PDE11A: variants seen among roughly 807,000 people sequenced by gnomAD.
PDE11A encodes the protein dual 3',5'-cyclic-AMP and -GMP phosphodiesterase 11A.
PDE11A carries 100 observed loss-of-function variants against 100.5 expected under a neutral mutation model. That is an observed-to-expected ratio of 1.00 (90% CI 0.85 to 1.18). The LOEUF (loss-of-function observed/expected upper bound fraction) is 1.18. Ranked by LOEUF, PDE11A falls within the 50% of genes most tolerant of loss-of-function variation. The probability of loss-of-function intolerance (pLI) is 0.00; values close to 1 mark genes in which losing one functional copy is unlikely to be tolerated. For synonymous variants in PDE11A, 381 were observed against 420.8 expected, an observed-to-expected ratio of 0.91 and a Z score of 1.16; for missense variants, 1,141 against 1,152.6, an observed-to-expected ratio of 0.99 and a Z score of 0.15.
At chr2:177,666,937 T>TTTATTTATTTA (rs2080597390) in intron 18 of PDE11A, among the ~76,000 whole-genome samples, 2 of 13,750 alleles carry the variant, frequency 1.5e-4, no homozygotes, top group African/African-American at 2.8e-4. Context: ...TTATTTATTT[T>TTTATTTATTTA]GAGAGAGTCT....
intron 2 of PDE11A, among the ~76,000 whole-genome samples, chr2:177,939,193 T>C (rs1045932316): frequency 6.6e-6 from 1 of 152,156 alleles, no homozygotes; most frequent in Non-Finnish European, 1.5e-5. Flanking sequence ...TTTGCTAGGC[T>C]AAACATTGTT....
At chr2:178,053,951 A>G (rs1027545272) in intron 1 of PDE11A, among the ~76,000 whole-genome samples, 1 of 152,216 alleles carries the variant, frequency 6.6e-6, no homozygotes, top group Non-Finnish European at 1.5e-5. Flanking sequence ...TAATGTATAG[A>G]GTCAATGCCA....
At chr2:177,634,476 C>T (rs537811843) in intron 19 of PDE11A, among the ~76,000 whole-genome samples, 3 of 151,582 alleles carry the variant, frequency 2.0e-5, no homozygotes, top group Non-Finnish European at 4.4e-5. Flanking sequence ...CCAAGCTCCG[C>T]CTCCCTGGTT....
intron 1 of PDE11A, among the ~76,000 whole-genome samples, chr2:178,033,245 T>G (rs2086570938): frequency 6.6e-6 from 1 of 152,142 alleles, no homozygotes; most frequent in African/African-American, 2.4e-5. Context: ...GAGAACTTCC[T>G]GTAGCATACA....
chr2:177,830,658 G>T (rs2083295210), intron 6 of PDE11A, among the ~76,000 whole-genome samples: 1 of 149,206 alleles, frequency 6.7e-6, no homozygotes, highest in African/African-American at 2.5e-5. Flanking sequence ...ATCAGGTGTT[G>T]TTTTAAGTGC....
At chr2:177,758,483 A>C (rs2082125303) in intron 10 of PDE11A, among the ~76,000 whole-genome samples, 1 of 152,084 alleles carries the variant, frequency 6.6e-6, no homozygotes, top group Non-Finnish European at 1.5e-5. Context: ...CAACAGAGCT[A>C]CCATTTCACC....
At position 178,001,275 on chromosome 2, in the gene PDE11A, A is replaced by AGTGTGTGTGTGTGTGTGTGTGTGT. The variant is rs57136586; in HGVS notation, c.1071+13003_1071+13026dup. On this transcript the variant is annotated intron_variant, in intron 2 of 19. Coordinates refer to ENST00000286063, the MANE Select transcript of PDE11A (RefSeq NM_016953.4). ...CATTCCTTAGCAAAGACAATGTGAA[A>AGTGTGTGTGTGTGTGTGTGTGTGT]GTGTGTGTGTGTGTGTGTGTGTGTG... Among the ~76,000 whole-genome samples, 21 of 140,760 alleles carry AGTGTGTGTGTGTGTGTGTGTGTGT rather than the reference A, an allele frequency of 1.5e-4. 1 individual carries two copies. Among genetic ancestry groups the AGTGTGTGTGTGTGTGTGTGTGTGT allele is most frequent in the African/African-American group, 4.7e-4 (18 of 38,258 alleles). 92.3% of individuals were successfully genotyped at this position (140,760 alleles called of 152,430 possible).
chr2:178,025,502 G>A (rs2105836794), intron 1 of PDE11A, among the ~76,000 whole-genome samples: 1 of 151,894 alleles, frequency 6.6e-6, no homozygotes, highest in Admixed American at 6.6e-5. Flanking sequence ...CTTTTCTTTG[G>A]TCCTGTCTTA....
chr2:177,714,901 G>A (rs1001767489), intron 12 of PDE11A, among the ~76,000 whole-genome samples: 1 of 152,050 alleles, frequency 6.6e-6, no homozygotes, highest in African/African-American at 2.4e-5. Context: ...CTGACCCTGG[G>A]GTCTGGTCTG....
intron 2 of PDE11A, chr2:177,997,132 A>G (rs1277283953): frequency 2.9e-5 from 27 of 923,704 alleles, no homozygotes; most frequent in South Asian, 8.4e-5. Flanking sequence ...CGGAAATCCA[A>G]TGAGTAGTAG....
At chr2:178,094,363 T>G (rs1019039976) in intron 2 of PDE11A, among the ~76,000 whole-genome samples, 1 of 151,348 alleles carries the variant, frequency 6.6e-6, no homozygotes, top group African/African-American at 2.4e-5. Context: ...ACCCCATCTC[T>G]ACAAAAAATA....
chr2:177,949,265 T>A (rs1880915), intron 2 of PDE11A, among the ~76,000 whole-genome samples: 4 of 147,210 alleles, frequency 2.7e-5, no homozygotes, highest in Non-Finnish European at 6.0e-5. Flanking sequence ...ACATCTCTAG[T>A]TTAAAATCTT....
At chr2:177,964,847 T>C (rs140477141) in intron 2 of PDE11A, among the ~76,000 whole-genome samples, 14 of 152,362 alleles carry the variant, frequency 9.2e-5, no homozygotes, top group African/African-American at 3.4e-4. Context: ...TATATGTGTC[T>C]TTATGGTAGA....
At chr2:177,666,651 G>A (rs926635093) in intron 18 of PDE11A, among the ~76,000 whole-genome samples, 4 of 152,070 alleles carry the variant, frequency 2.6e-5, no homozygotes, top group Admixed American at 2.6e-4. Context: ...GATGACTAAT[G>A]ATTTTGAGCA....
chr2:177,705,862 A>AT (rs886270711), intron 13 of PDE11A, among the ~76,000 whole-genome samples: 1 of 152,232 alleles, frequency 6.6e-6, no homozygotes, highest in African/African-American at 2.4e-5. Context: ...AGAAATGAGT[A>AT]TAAGAGATTA....
At chr2:177,785,277 T>A (rs1196936705) in intron 9 of PDE11A, among the ~76,000 whole-genome samples, 1 of 148,680 alleles carries the variant, frequency 6.7e-6, no homozygotes, top group African/African-American at 2.5e-5. Context: ...TGTAATATGA[T>A]CATGGGCCCA....
intron 2 of PDE11A, among the ~76,000 whole-genome samples, chr2:177,965,122 G>A (rs2085682670): frequency 1.3e-5 from 2 of 152,030 alleles, no homozygotes; most frequent in Non-Finnish European, 1.5e-5. Flanking sequence ...AATGATTAGT[G>A]TTGCTGAGCT....
At chr2:177,663,343 G>A (rs2080511469) in intron 19 of PDE11A, among the ~76,000 whole-genome samples, 1 of 150,838 alleles carries the variant, frequency 6.6e-6, no homozygotes, top group Non-Finnish European at 1.5e-5. Context: ...GCTGGAAGGT[G>A]CGTCACAAAA....
chr2:177,815,824 T>C (rs1452536719), intron 9 of PDE11A, among the ~76,000 whole-genome samples: 1 of 152,230 alleles, frequency 6.6e-6, no homozygotes, highest in East Asian at 1.9e-4. Flanking sequence ...GTGTATTATA[T>C]CATACTCTTC....
Sources: allele counts gnomAD v4.1 joint callset (sites outside exome capture counted in the v4.1 genomes callset), GRCh38; gene constraint gnomAD v4.1.1; transcripts MANE v1.5; gene names NCBI Gene and HGNC (gene_info 2026-07-23, HGNC 2026-07-21).